Variants in TMEM245 observed in about 807,000 individuals in gnomAD.
TMEM245 encodes transmembrane protein 245, also known as protein CG-2.
A neutral mutation model predicts 101.2 loss-of-function variants in TMEM245; 69 were observed. The observed-to-expected ratio is 0.68, with a 90% CI of 0.56 to 0.83. The LOEUF (loss-of-function observed/expected upper bound fraction) is 0.83, where lower values mean the gene tolerates loss of function less well. Ranked by LOEUF, TMEM245 falls within the 40% of genes least tolerant of loss-of-function variation. TMEM245 has a pLI of 0.00. For missense variants in TMEM245, 1,075 were observed against 1,092.8 expected, an observed-to-expected ratio of 0.98 and a Z score of 0.23; for synonymous variants, 537 against 449.8, an observed-to-expected ratio of 1.19 and a Z score of -2.45.
At chr9:109,036,459 C>G (rs1828125734) in intron 15 of TMEM245, 79 bp from the exon 16 acceptor site, 1 of 1,338,138 alleles carries the variant, frequency 7.5e-7, no homozygotes, top group Non-Finnish European at 9.9e-7. Flanking sequence ...AGCAGTAGCT[C>G]CTCCTCAACA....
chr9:109,105,764 CAT>C (rs1830394503), intron 3 of TMEM245, among the ~76,000 whole-genome samples: 1 of 151,964 alleles, frequency 6.6e-6, no homozygotes, highest in Non-Finnish European at 1.5e-5. Context: ...AACATTGTGA[CAT>C]ATTGTATGCC....
intron 17 of TMEM245, among the ~76,000 whole-genome samples, chr9:109,025,660 G>A (rs1827770642): frequency 6.6e-6 from 1 of 152,134 alleles, no homozygotes; most frequent in Admixed American, 6.5e-5. Context: ...ATTTTTAGTA[G>A]AAGTGAAAGA....
In TMEM245 at chr9:109,032,365, C is replaced by CTTTTTTTTTTTTTTTTTTTTTTTTTTTTT. The variant is rs755399182; in HGVS notation, c.2594+913_2594+941dup. Among the ~76,000 whole-genome samples the CTTTTTTTTTTTTTTTTTTTTTTTTTTTTT allele has an allele frequency of 2.0e-4, 8 of 40,960 alleles. 3 individuals are homozygous for CTTTTTTTTTTTTTTTTTTTTTTTTTTTTT. The highest frequency in any genetic ancestry group is 1.4e-3 in the East Asian group (2 of 1,418). The allele number at this position is 40,960 out of a possible 152,430, so 26.9% of individuals were successfully genotyped here. On this transcript the variant is annotated intron_variant, in intron 17 of 17. Coordinates refer to ENST00000374586, the MANE Select transcript of TMEM245 (RefSeq NM_032012.4). ...GCATTTGGTTGTCCTATTTCTTTTC[C>CTTTTTTTTTTTTTTTTTTTTTTTTTTTTT]TTTTTTTTTTTTTTTTTTTTTTTTT...
chr9:109,103,597 G>A (rs2132625923), intron 3 of TMEM245, among the ~76,000 whole-genome samples: 1 of 152,278 alleles, frequency 6.6e-6, no homozygotes, highest in East Asian at 1.9e-4. Flanking sequence ...GGATGGAACT[G>A]CAGGCCATAT....
chr9:109,037,269 C>CTT (rs748254253), intron 15 of TMEM245, among the ~76,000 whole-genome samples: 2 of 152,210 alleles, frequency 1.3e-5, no homozygotes, highest in Non-Finnish European at 2.9e-5. Context: ...ATGGACAAAG[C>CTT]TATTTTGACA....
intron 17 of TMEM245, among the ~76,000 whole-genome samples, chr9:109,023,414 A>G (rs921788817): frequency 2.0e-5 from 3 of 152,260 alleles, no homozygotes; most frequent in East Asian, 1.9e-4. Context: ...AGAAACAAAT[A>G]CTGTATTGAC....
intron 14 of TMEM245, chr9:109,042,512 TC>T (rs1828341706): frequency 6.6e-6 from 1 of 152,290 alleles, no homozygotes; most frequent in Non-Finnish European, 1.5e-5. Flanking sequence ...AAGGCTGCCT[TC>T]ATTCCTTGGC....
At chr9:109,064,752 T>C (rs1313643403) in intron 9 of TMEM245, among the ~76,000 whole-genome samples, 185 bp from the exon 10 acceptor site, 1 of 152,172 alleles carries the variant, frequency 6.6e-6, no homozygotes, top group African/African-American at 2.4e-5. Flanking sequence ...ACATTCAGGA[T>C]GTCCTTTCAA....
rs1452816634 is a variant in TMEM245 at position 109,018,677 on chromosome 9, T to G, written c.*1783A>C. ...GATGTTTTAGGAAAAATTATTAATA[T>G]TTCTACCTTTAAATACTTTCCAAAA... is the stretch of plus-strand genomic sequence containing the variant. On this transcript the variant is annotated 3_prime_UTR_variant, in exon 18 of 18. Transcript: ENST00000374586. The G allele has an allele frequency of 6.6e-6, 1 of 152,138 alleles. No homozygotes were observed. Among genetic ancestry groups the G allele is most frequent in the Non-Finnish European group, 1.5e-5 (1 of 68,022 alleles). The allele number at this position is 152,138 out of a possible 1,614,324, so 9.4% of individuals were successfully genotyped here. A position where few individuals can be genotyped will look rare whatever the true frequency, so the allele number is the denominator to read the frequency against.
rs1000847675 is a variant in TMEM245, at chr9:109,106,527, C to T, written c.780G>A (p.Gln260=). 1 of 1,609,604 alleles carries T rather than the reference C, an allele frequency of 6.2e-7. No homozygotes were observed. The highest frequency in any genetic ancestry group is 8.5e-7 in the Non-Finnish European group (1 of 1,177,284). ...LMSVGTLYEK[Q]NGKESSGAEL... ...TCTTACCAGAAGACTCTTTTCCATTCTGTTTTTCATAGAGGGTACCCACAG... is the reference window on the plus strand; with the variant it reads ...TCTTACCAGAAGACTCTTTTCCATTTTGTTTTTCATAGAGGGTACCCACAG... The change falls in exon 3 of 18, where the codon CAG becomes CAA. Residue 260 remains glutamine, a synonymous_variant. Coordinates refer to ENST00000374586, the MANE Select transcript of TMEM245 (RefSeq NM_032012.4).
chr9:109,022,675 T>C (rs1018076692), intron 17 of TMEM245, among the ~76,000 whole-genome samples: 6 of 152,172 alleles, frequency 3.9e-5, no homozygotes, highest in Admixed American at 3.3e-4. Context: ...AAGCTCTAGA[T>C]AGCTATTTTT....
chr9:109,061,589 T>C (rs1467121011), intron 10 of TMEM245, among the ~76,000 whole-genome samples: 1 of 152,118 alleles, frequency 6.6e-6, no homozygotes, highest in African/African-American at 2.4e-5. Flanking sequence ...TTTTTTGAGA[T>C]AGAGTCTTGC....
intron 15 of TMEM245, among the ~76,000 whole-genome samples, chr9:109,037,697 T>C (rs1180927117): frequency 6.6e-6 from 1 of 152,192 alleles, no homozygotes; most frequent in Admixed American, 6.5e-5. Flanking sequence ...CTATGCTTCT[T>C]GTACAGCCTG....
intron 17 of TMEM245, among the ~76,000 whole-genome samples, chr9:109,026,804 A>G (rs1827804770): frequency 6.6e-6 from 1 of 151,872 alleles, no homozygotes. Context: ...ACAATGATAA[A>G]TGAGTTTTTG....
chr9:109,081,379 C>T (rs960586623), intron 7 of TMEM245, among the ~76,000 whole-genome samples: 4 of 152,028 alleles, frequency 2.6e-5, no homozygotes, highest in African/African-American at 7.2e-5. Context: ...ACTTATAATA[C>T]AGGCATGGAC....
At chr9:109,038,207 T>C (rs888316809) in intron 14 of TMEM245, 90 bp from the exon 15 acceptor site, 10 of 877,534 alleles carry the variant, frequency 1.1e-5, no homozygotes, top group Non-Finnish European at 1.7e-5. Context: ...TTCCAAATCA[T>C]GTAATAGCTT....
At chr9:109,045,232 A>G (rs965137674) in intron 14 of TMEM245, among the ~76,000 whole-genome samples, 12 of 152,078 alleles carry the variant, frequency 7.9e-5, no homozygotes, top group Non-Finnish European at 1.6e-4. Context: ...TCCCAGCCCC[A>G]ACCTCCCTTG....
rs12000094 is a variant in TMEM245 at position 109,037,945 on chromosome 9, T to C, written c.2224+72A>G. ...TTTTTAAACTTGAGGAAGTAGACATTTCCTAGATGTATGTAAAATGGCTTA... is the reference window on the plus strand; with the variant it reads ...TTTTTAAACTTGAGGAAGTAGACATCTCCTAGATGTATGTAAAATGGCTTA... On this transcript the variant is annotated intron_variant, in intron 15 of 17. Coordinates refer to ENST00000374586, the MANE Select transcript of TMEM245 (RefSeq NM_032012.4). 15,346 of 1,251,454 alleles carry C rather than the reference T, an allele frequency of 0.012. 1,596 individuals are homozygous for C. In the African/African-American group the frequency reaches 0.22, roughly 18 times the overall value. 77.5% of individuals were successfully genotyped at this position (1,251,454 alleles called of 1,614,324 possible).
chr9:109,085,837 T>C (rs1394217087), intron 7 of TMEM245, among the ~76,000 whole-genome samples, 160 bp downstream of exon 7: 1 of 152,248 alleles, frequency 6.6e-6, no homozygotes, highest in Non-Finnish European at 1.5e-5. Flanking sequence ...CAAATTATAC[T>C]GTGATAGTAT....
Sources: gnomAD v4.1 joint callset for allele counts (sites outside exome capture counted in the v4.1 genomes callset) on GRCh38, gnomAD v4.1.1 for gene constraint, MANE v1.5 for transcripts, NCBI Gene and HGNC (gene_info 2026-07-23, HGNC 2026-07-21) for gene names.